The following SLC49A3 variants were observed in gnomAD, a reference collection of about 807,000 sequenced individuals.
The protein encoded by SLC49A3 is solute carrier family 49 member 3.
SLC49A3 carries 50 observed loss-of-function variants against 43.8 expected under a neutral mutation model. The ratio of observed to expected loss-of-function variants is 1.14; its 90% CI spans 0.91 to 1.45. The LOEUF is 1.45. SLC49A3 is among the 40% of genes most tolerant of loss of function. SLC49A3 has a pLI of 0.00. For synonymous variants in SLC49A3, 413 were observed against 352.0 expected (o/e 1.17, Z -1.94); for missense variants, 906 against 774.1 (o/e 1.17, Z -2.02).
rs900241147 is a variant in SLC49A3, at chr4:688,939, C to T, written c.135+54G>A. 5 of 1,552,920 alleles carry T rather than the reference C, an allele frequency of 3.2e-6. No homozygotes were observed. The African/African-American group carries it at 4.2e-5, about 13-fold the overall frequency. ...GTGGCCACAGGAAAACAAAACCCGG[C>T]TGGTCCGAGGGACTGAGGGTCCCGG... On this transcript the variant is annotated intron_variant, in intron 1 of 9. Transcript: ENST00000322224.
chr4:691,359 C>T (rs1463538404), upstream of SLC49A3, among the ~76,000 whole-genome samples: 2 of 150,812 alleles, frequency 1.3e-5, no homozygotes, highest in African/African-American at 2.4e-5. Flanking sequence ...TTTGGGAGGC[C>T]GAGGTGGGTG....
downstream of SLC49A3, chr4:680,594 G>T (rs746865065): frequency 1.2e-6 from 2 of 1,611,762 alleles, no homozygotes; most frequent in Non-Finnish European, 1.7e-6. Flanking sequence ...AGTAGTGAGT[G>T]CCCGGGCGGC....
At position 684,839 on chromosome 4, in the gene SLC49A3, G is replaced by T; in HGVS notation, c.603C>A (p.Ile201=). The change falls in exon 5 of 10, where the codon ATC becomes ATA. Residue 201 remains isoleucine, a synonymous_variant. Transcript: ENST00000322224. ...ACAGCAGGCAGACGACGCCAGCAGG[G>T]ATGGTATAGACACCGAGCTGGGGAG... ...DIPLMLGVYT[I]PAGVVCLLST... is the part of the protein sequence containing the mutation. 3 of 1,612,336 alleles carry T rather than the reference G, an allele frequency of 1.9e-6. No homozygotes were observed. In the East Asian group the frequency reaches 6.7e-5, roughly 36 times the overall value.
rs1179233525 is a variant in SLC49A3, at chr4:682,827, C to T, written c.1215G>A (p.Pro405=). ...MTALTVRRSE[P]SLSTCQQGED... is the part of the protein sequence containing the mutation. ...CCCCCTGCTGGCAGGTGGACAAGGACGGCTCCGAGCGTCGCACAGTCAGTG... is the reference window on the plus strand; with the variant it reads ...CCCCCTGCTGGCAGGTGGACAAGGATGGCTCCGAGCGTCGCACAGTCAGTG... The change falls in exon 9 of 10, where the codon CCG becomes CCA. Residue 405 remains proline, a synonymous_variant. Coordinates refer to ENST00000322224, the MANE Select transcript of SLC49A3 (RefSeq NM_032219.4). 2.4e-5 allele frequency: 38 copies of T among 1,604,420 alleles called. No individual in the cohort carries two copies. The highest frequency in any genetic ancestry group is 9.4e-5 in the African/African-American group (7 of 74,806).
chr4:686,020 T>C (rs1577364643), intron 3 of SLC49A3, 69 bp downstream of exon 3: 1 of 1,606,542 alleles, frequency 6.2e-7, no homozygotes, highest in South Asian at 1.1e-5. Flanking sequence ...CCAGAGAGCC[T>C]GGGGAGCCGA....
intron 1 of SLC49A3, 21 bp downstream of exon 1, chr4:688,972 T>G (rs1741581583): frequency 6.3e-7 from 1 of 1,582,644 alleles, no homozygotes; most frequent in Admixed American, 1.7e-5. Context: ...CGGAGCCACC[T>G]GTCCCCGCCC....
downstream of SLC49A3, chr4:681,270 G>A: frequency 1.8e-6 from 2 of 1,118,334 alleles, no homozygotes; most frequent in Non-Finnish European, 2.5e-6. Flanking sequence ...CAGGCCCCCG[G>A]GGGGCTCCCG....
intron 9 of SLC49A3, 60 bp downstream of exon 9, chr4:682,721 G>A (rs1308869258): frequency 6.6e-6 from 9 of 1,370,232 alleles, no homozygotes; most frequent in African/African-American, 2.9e-5. Context: ...CCGCTCCCAG[G>A]GAATCTTCAC....
At chr4:677,885 C>T, downstream of SLC49A3, 1 of 1,431,730 alleles carries the variant, frequency 7.0e-7, no homozygotes, top group East Asian at 2.3e-5. Flanking sequence ...CTGCAGCTGT[C>T]CAGTCCCCTG....
chr4:691,240 G>A (rs948652238), upstream of SLC49A3, among the ~76,000 whole-genome samples: 1 of 143,666 alleles, frequency 7.0e-6, no homozygotes, highest in Non-Finnish European at 1.5e-5. Flanking sequence ...CTGAGATCAT[G>A]CCACTGCACT....
At chr4:686,405 G>A (rs568877752) in intron 2 of SLC49A3, 103 bp from the exon 3 acceptor site, 12 of 1,567,844 alleles carry the variant, frequency 7.7e-6, no homozygotes, top group East Asian at 6.7e-5. Flanking sequence ...CCACCTCGAC[G>A]GCTCTGCCGG....
At chr4:680,583 G>C (rs778732180), downstream of SLC49A3, 7 of 1,612,722 alleles carry the variant, frequency 4.3e-6, no homozygotes, top group Admixed American at 6.7e-5. Context: ...AATCAACAAG[G>C]AGTAGTGAGT....
upstream of SLC49A3, among the ~76,000 whole-genome samples, chr4:691,594 C>CA (rs71166827): frequency 0.026 from 3,226 of 126,190 alleles, 32 homozygotes; most frequent in Middle Eastern, 0.04. Flanking sequence ...GACTCTGTCA[C>CA]AAAAAAAAAA....
intron 9 of SLC49A3, 46 bp downstream of exon 9, chr4:682,735 G>A (rs1474776635): frequency 3.5e-6 from 5 of 1,431,654 alleles, no homozygotes; most frequent in Non-Finnish European, 4.7e-6. Context: ...TCTTCACATG[G>A]GGCTCACCTG....
downstream of SLC49A3, chr4:676,916 G>C: frequency 1.0e-6 from 1 of 985,380 alleles, no homozygotes; most frequent in Non-Finnish European, 1.2e-6. Flanking sequence ...GCTGGACCTG[G>C]GGATGGCACC....
In SLC49A3 at chr4:682,464, T is replaced by C. The variant is rs1739951313; in HGVS notation, c.1262-88A>G. 4.8e-6 allele frequency: 6 copies of C among 1,245,038 alleles called. No homozygotes were observed. In the South Asian group the frequency reaches 1.6e-4, roughly 34 times the overall value. The allele number at this position is 1,245,038 out of a possible 1,614,324, so 77.1% of individuals were successfully genotyped here. On this transcript the variant is annotated intron_variant, in intron 9 of 9. Coordinates refer to ENST00000322224, the MANE Select transcript of SLC49A3 (RefSeq NM_032219.4). ...CAATGCTGGCCTATGGTGACCCCACTACCCTTGACCACAGAGTGACCCCAG... is the reference window on the plus strand; with the variant it reads ...CAATGCTGGCCTATGGTGACCCCACCACCCTTGACCACAGAGTGACCCCAG...
intron 7 of SLC49A3, 104 bp downstream of exon 7, chr4:683,505 G>A: frequency 6.7e-7 from 1 of 1,495,606 alleles, no homozygotes; most frequent in African/African-American, 1.4e-5. Context: ...GGCTGGGCAT[G>A]AGACAGTCCA....
At chr4:688,395 C>A (rs942942720) in intron 1 of SLC49A3, among the ~76,000 whole-genome samples, 6 of 152,160 alleles carry the variant, frequency 3.9e-5, no homozygotes, top group Admixed American at 3.9e-4. Flanking sequence ...CGTGACCTGG[C>A]GCCTCCCTGA....
chr4:682,401 C>T (rs748203648), intron 9 of SLC49A3, 25 bp from the exon 10 acceptor site: 1 of 1,324,238 alleles, frequency 7.6e-7, no homozygotes, highest in East Asian at 2.8e-5. Flanking sequence ...CACAGCTGTC[C>T]CCACAGCCAA....
Sources: allele counts gnomAD v4.1 joint callset (sites outside exome capture counted in the v4.1 genomes callset), GRCh38; gene constraint gnomAD v4.1.1; transcripts MANE v1.5; gene names NCBI Gene and HGNC (gene_info 2026-07-23, HGNC 2026-07-21).